The following ADAMTSL1 variants were observed in gnomAD, a reference collection of about 807,000 sequenced individuals.
ADAMTSL1 encodes the protein ADAMTS like 1.
In ADAMTSL1, 126 loss-of-function variants were observed where a neutral mutation model predicts 201.8. The observed-to-expected ratio is 0.62, with a 90% CI of 0.54 to 0.72. ADAMTSL1 has a LOEUF of 0.72. ADAMTSL1 is among the 30% of genes least tolerant of loss of function. The pLI is 0.00. For missense variants in ADAMTSL1, 2,679 were observed against 2,277.8 expected (o/e 1.18, Z -3.59); for synonymous variants, 1,121 against 903.4 (o/e 1.24, Z -4.32).
At chr9:17,923,426 G>T (rs1384690723) in intron 1 of ADAMTSL1, among the ~76,000 whole-genome samples, 8 of 146,594 alleles carry the variant, frequency 5.5e-5, no homozygotes, top group African/African-American at 1.8e-4. Flanking sequence ...GTTCACTCAT[G>T]ATTTGGCTCT....
chr9:18,298,855 C>CA (rs1437844498), intron 2 of ADAMTSL1, among the ~76,000 whole-genome samples: 2 of 151,578 alleles, frequency 1.3e-5, no homozygotes, highest in African/African-American at 4.8e-5. Context: ...ATTAAAAATA[C>CA]AAAAAATCAG....
chr9:18,468,616 C>CA (rs886874151), intron 2 of ADAMTSL1, among the ~76,000 whole-genome samples: 3 of 151,976 alleles, frequency 2.0e-5, no homozygotes, highest in Admixed American at 6.6e-5. Flanking sequence ...AGCAAACAAA[C>CA]AAAAAAACCC....
At chr9:18,802,251 C>G (rs1253298964) in intron 20 of ADAMTSL1, among the ~76,000 whole-genome samples, 1 of 151,974 alleles carries the variant, frequency 6.6e-6, no homozygotes, top group African/African-American at 2.4e-5. Context: ...AGCCTGAGTG[C>G]CAGAGTAAGA....
chr9:18,504,795 GA>G, intron 1 of ADAMTSL1, 33 bp from the exon 2 acceptor site: 1 of 1,614,158 alleles, frequency 6.2e-7, no homozygotes, highest in Non-Finnish European at 8.5e-7. Flanking sequence ...TTCCATGGGG[GA>G]TATGATGCTG....
chr9:18,287,573 G>A (rs1587474380), intron 2 of ADAMTSL1, among the ~76,000 whole-genome samples: 2 of 130,226 alleles, frequency 1.5e-5, no homozygotes, highest in East Asian at 4.6e-4. Flanking sequence ...TTACATATAT[G>A]TAAATATATG....
At chr9:18,767,889 T>C (rs1820456535) in intron 16 of ADAMTSL1, among the ~76,000 whole-genome samples, 1 of 152,220 alleles carries the variant, frequency 6.6e-6, no homozygotes, top group Non-Finnish European at 1.5e-5. Flanking sequence ...CCATAGATTT[T>C]GTTCTTAATC....
At chr9:18,574,516 T>G in intron 4 of ADAMTSL1, 1 of 583,686 alleles carries the variant, frequency 1.7e-6, no homozygotes, top group Non-Finnish European at 3.0e-6. Context: ...ATAAAAATTT[T>G]TGAATAGTGT....
intron 15 of ADAMTSL1, among the ~76,000 whole-genome samples, chr9:18,747,897 G>C (rs1479854977): frequency 6.6e-6 from 1 of 152,170 alleles, no homozygotes; most frequent in Non-Finnish European, 1.5e-5. Context: ...AGGAAGCCAA[G>C]CTGAAAGCTT....
At chr9:18,585,625 A>T (rs1405338578) in intron 4 of ADAMTSL1, among the ~76,000 whole-genome samples, 1 of 152,164 alleles carries the variant, frequency 6.6e-6, no homozygotes, top group East Asian at 1.9e-4. Context: ...CCTGATACCA[A>T]AACCTGGCAG....
intron 2 of ADAMTSL1, among the ~76,000 whole-genome samples, chr9:18,506,321 G>A (rs1240447964): frequency 1.3e-5 from 2 of 152,186 alleles, no homozygotes; most frequent in East Asian, 3.8e-4. Flanking sequence ...TCATACATCA[G>A]TAAAGCCAAA....
intron 14 of ADAMTSL1, chr9:18,717,879 A>G (rs1564177581): frequency 5.9e-6 from 5 of 848,422 alleles, no homozygotes; most frequent in Non-Finnish European, 8.2e-6. Context: ...TCCATTTAAG[A>G]TGCTGGTAGG....
rs1373100517 is a variant in ADAMTSL1, at chr9:18,291,735, T to A, written c.207+127754T>A. ...CTCTCTTTCTCTCTCTCTCTCTCTC[T>A]CTCTCTCTCTCTCACACACACACAC... On this transcript the variant is annotated intron_variant, in intron 2 of 29. Coordinates refer to the ADAMTSL1 transcript ENST00000680146. Among the ~76,000 whole-genome samples, 227 of 123,326 alleles carry A rather than the reference T, an allele frequency of 1.8e-3. 1 individual carries two copies. The highest frequency in any genetic ancestry group is 6.5e-3 in the African/African-American group (211 of 32,252). The allele number at this position is 123,326 out of a possible 152,430, so 80.9% of individuals were successfully genotyped here.
chr9:17,948,949 A>G (rs117613657), intron 1 of ADAMTSL1, among the ~76,000 whole-genome samples: 13 of 152,294 alleles, frequency 8.5e-5, no homozygotes, highest in Non-Finnish European at 1.5e-4. Context: ...GAAACTGAGG[A>G]TGAGCCAGTT....
chr9:18,655,227 A>G (rs1354400413), intron 7 of ADAMTSL1, among the ~76,000 whole-genome samples: 3 of 152,184 alleles, frequency 2.0e-5, no homozygotes, highest in Non-Finnish European at 4.4e-5. Context: ...TGAATTTTAC[A>G]TGGAATTAAA....
intron 13 of ADAMTSL1, among the ~76,000 whole-genome samples, chr9:18,703,735 T>TATATATATATATAC (rs60548312): frequency 7.2e-6 from 1 of 138,510 alleles, no homozygotes; most frequent in Non-Finnish European, 1.6e-5. Context: ...TATATATATA[T>TATATATATATATAC]GTTTTAATTG....
At chr9:17,974,167 T>A (rs1298215591) in intron 1 of ADAMTSL1, among the ~76,000 whole-genome samples, 1 of 151,998 alleles carries the variant, frequency 6.6e-6, no homozygotes, top group Non-Finnish European at 1.5e-5. Context: ...CTGGAAGCAT[T>A]CACTTTGAAA....
intron 1 of ADAMTSL1, among the ~76,000 whole-genome samples, chr9:17,920,132 T>C (rs1333117319): frequency 6.6e-6 from 1 of 152,190 alleles, no homozygotes; most frequent in Non-Finnish European, 1.5e-5. Flanking sequence ...ACTGCCTTGA[T>C]TGAAAGAAAA....
intron 2 of ADAMTSL1, among the ~76,000 whole-genome samples, chr9:18,404,516 G>T (rs1268930537): frequency 2.0e-5 from 3 of 152,328 alleles, no homozygotes; most frequent in African/African-American, 4.8e-5. Flanking sequence ...CTGAGGTGGT[G>T]CCCTGTAATC....
chr9:17,989,228 C>T (rs961912137), intron 1 of ADAMTSL1, among the ~76,000 whole-genome samples: 1 of 151,832 alleles, frequency 6.6e-6, no homozygotes, highest in Non-Finnish European at 1.5e-5. Context: ...CTCCTTTAGG[C>T]ACTTACAAAT....
Sources: allele counts gnomAD v4.1 joint callset (sites outside exome capture counted in the v4.1 genomes callset), GRCh38; gene constraint gnomAD v4.1.1; transcripts MANE v1.5; gene names NCBI Gene and HGNC (gene_info 2026-07-23, HGNC 2026-07-21).